ZBTB20: variants seen among roughly 807,000 people sequenced by gnomAD.
ZBTB20 encodes zinc finger and BTB domain containing 20.
A neutral mutation model predicts 56.9 loss-of-function variants in ZBTB20; 9 were observed. The ratio of observed to expected loss-of-function variants is 0.16; its 90% CI spans 0.10 to 0.28. The LOEUF is 0.28. Among genes scored for constraint, ZBTB20 ranks in the 10% least tolerant of loss-of-function variants. ZBTB20 has a pLI of 1.00. For synonymous variants in ZBTB20, 417 were observed against 420.7 expected (o/e 0.99, Z 0.11); for missense variants, 655 against 1,003.0 (o/e 0.65, Z 4.69).
intron 5 of ZBTB20, among the ~76,000 whole-genome samples, chr3:114,726,737 C>A (rs745739876): frequency 2.3e-4 from 31 of 133,564 alleles, no homozygotes; most frequent in Non-Finnish European, 4.4e-4. Context: ...ATGGTGAAAC[C>A]CCGTCTCTAC....
chr3:114,402,212 C>T (rs776271470), intron 7 of ZBTB20, among the ~76,000 whole-genome samples: 2 of 152,142 alleles, frequency 1.3e-5, no homozygotes, highest in Non-Finnish European at 2.9e-5. Flanking sequence ...CCTGGCTATG[C>T]TACATGCTCT....
At chr3:114,588,157 G>A (rs149341101) in intron 6 of ZBTB20, among the ~76,000 whole-genome samples, 3 of 152,204 alleles carry the variant, frequency 2.0e-5, no homozygotes, top group African/African-American at 7.2e-5. Flanking sequence ...GTGGGGGAAG[G>A]GGCGGACAGC....
intron 4 of ZBTB20, among the ~76,000 whole-genome samples, chr3:114,884,852 C>T (rs1022143568): frequency 2.0e-5 from 3 of 152,034 alleles, no homozygotes; most frequent in Admixed American, 6.5e-5. Context: ...AAGTGATTTG[C>T]GAAAGGGAGA....
chr3:114,698,918 C>T (rs1001553390), intron 5 of ZBTB20, among the ~76,000 whole-genome samples: 3 of 152,028 alleles, frequency 2.0e-5, no homozygotes, highest in Non-Finnish European at 4.4e-5. Flanking sequence ...TTTATTGAAA[C>T]TGAAAAATGA....
intron 5 of ZBTB20, among the ~76,000 whole-genome samples, chr3:114,733,650 C>T (rs1215558635): frequency 6.6e-5 from 10 of 152,124 alleles, no homozygotes; most frequent in Non-Finnish European, 2.9e-5. Context: ...GCTTCCAAAA[C>T]TAGAAGCCAA....
At chr3:114,579,691 T>C (rs2054448891) in intron 6 of ZBTB20, among the ~76,000 whole-genome samples, 1 of 150,262 alleles carries the variant, frequency 6.7e-6, no homozygotes, top group Non-Finnish European at 1.5e-5. Context: ...TAGTGTCTAA[T>C]AAAAAAAAGC....
At chr3:114,522,800 T>A (rs1260743437) in intron 6 of ZBTB20, among the ~76,000 whole-genome samples, 1 of 152,194 alleles carries the variant, frequency 6.6e-6, no homozygotes, top group African/African-American at 2.4e-5. Flanking sequence ...GGAGCGTTAT[T>A]TACCAATATT....
chr3:114,813,521 T>G (rs2072704335), intron 4 of ZBTB20, among the ~76,000 whole-genome samples: 1 of 152,126 alleles, frequency 6.6e-6, no homozygotes, highest in Non-Finnish European at 1.5e-5. Context: ...AAGGCTGAGA[T>G]GGGTAGATCA....
At chr3:114,572,190 C>T (rs761061500) in intron 6 of ZBTB20, among the ~76,000 whole-genome samples, 9 of 152,182 alleles carry the variant, frequency 5.9e-5, no homozygotes, top group Non-Finnish European at 1.0e-4. Context: ...AAGAACTATA[C>T]TACTGTACTT....
At chr3:115,033,417 G>A (rs1212651861) in intron 2 of ZBTB20, among the ~76,000 whole-genome samples, 1 of 151,496 alleles carries the variant, frequency 6.6e-6, no homozygotes, top group African/African-American at 2.4e-5. Context: ...GACTTCACTG[G>A]TGAGTTCTAC....
At chr3:114,965,981 C>A (rs1168969736) in intron 3 of ZBTB20, among the ~76,000 whole-genome samples, 1 of 151,944 alleles carries the variant, frequency 6.6e-6, no homozygotes, top group Non-Finnish European at 1.5e-5. Context: ...TAAGTGTTTG[C>A]TTTTAGAAAA....
In ZBTB20 at chr3:114,514,413, T is replaced by C. The variant is rs1252393272; in HGVS notation, c.-294-14022A>G. Among the ~76,000 whole-genome samples, 8 of 152,292 alleles carry C rather than the reference T, an allele frequency of 5.3e-5. No homozygotes were observed. The East Asian group carries it at 1.5e-3, about 29-fold the overall frequency. On this transcript the variant is annotated intron_variant, in intron 6 of 11. Transcript: ENST00000675478. ...CACAGTGCATAACATGGTTGGTTAC[T>C]TTGCTAGGCTGACATATGGAGACAG...
chr3:114,883,589 G>C (rs1157384475), intron 4 of ZBTB20, among the ~76,000 whole-genome samples: 1 of 152,144 alleles, frequency 6.6e-6, no homozygotes, highest in African/African-American at 2.4e-5. Flanking sequence ...TAACCTGATA[G>C]TGCATGCTCA....
chr3:114,319,917 A>C lies in ZBTB20; in HGVS notation c.*19088T>G, dbSNP rs938245244. On this transcript the variant is annotated 3_prime_UTR_variant, in exon 12 of 12. Transcript: ENST00000675478. ...ATATTTTTTCTCAAAAGGGAGCTCA[A>C]GCATAAGTTAAAAGGTGATGTGGAA... 7.2e-5 allele frequency: 11 copies of C among 152,154 alleles called. No homozygotes were observed. Among genetic ancestry groups the C allele is most frequent in the Admixed American group, 6.6e-4 (10 of 15,264 alleles). The allele number at this position is 152,154 out of a possible 1,614,324, so 9.4% of individuals were successfully genotyped here.
intron 6 of ZBTB20, among the ~76,000 whole-genome samples, chr3:114,585,792 G>A (rs2055121639): frequency 6.6e-6 from 1 of 152,208 alleles, no homozygotes; most frequent in Admixed American, 6.5e-5. Flanking sequence ...TATTTCAGTT[G>A]CAGGAATAAC....
intron 5 of ZBTB20, among the ~76,000 whole-genome samples, chr3:114,729,798 T>C (rs940053500): frequency 1.3e-5 from 2 of 151,640 alleles, no homozygotes; most frequent in Non-Finnish European, 2.9e-5. Context: ...TGTAGGATTT[T>C]CTTTTCTTTT....
chr3:114,862,658 C>G (rs988609719), intron 4 of ZBTB20, among the ~76,000 whole-genome samples: 1 of 151,978 alleles, frequency 6.6e-6, no homozygotes, highest in Non-Finnish European at 1.5e-5. Context: ...ATGCTCCGAG[C>G]CTATAACATA....
At chr3:115,089,274 C>T (rs2083099995) in intron 1 of ZBTB20, among the ~76,000 whole-genome samples, 1 of 151,718 alleles carries the variant, frequency 6.6e-6, no homozygotes, top group African/African-American at 2.4e-5. Flanking sequence ...TTCGGTAAAC[C>T]ACTTAACCAT....
At chr3:115,137,927 T>C (rs2084695590) in intron 1 of ZBTB20, among the ~76,000 whole-genome samples, 1 of 152,080 alleles carries the variant, frequency 6.6e-6, no homozygotes, top group Non-Finnish European at 1.5e-5. Context: ...TGCCTAACTC[T>C]AGGTTAGGAC....
Sources: gnomAD v4.1 joint callset for allele counts (sites outside exome capture counted in the v4.1 genomes callset) on GRCh38, gnomAD v4.1.1 for gene constraint, MANE v1.5 for transcripts, NCBI Gene and HGNC (gene_info 2026-07-23, HGNC 2026-07-21) for gene names.